ASIC2: variants seen among roughly 807,000 people sequenced by gnomAD.
ASIC2 encodes the protein acid-sensing ion channel 2.
ASIC2 carries 25 observed loss-of-function variants against 57.3 expected under a neutral mutation model. The ratio of observed to expected loss-of-function variants is 0.44; its 90% CI spans 0.32 to 0.61. The LOEUF is 0.61. Ranked by LOEUF, ASIC2 falls within the 20% of genes least tolerant of loss-of-function variation. ASIC2 has a pLI of 0.06. For missense variants in ASIC2, 641 were observed against 738.1 expected, an observed-to-expected ratio of 0.87 and a Z score of 1.52; for synonymous variants, 319 against 307.5, an observed-to-expected ratio of 1.04 and a Z score of -0.39.
chr17:33,501,280 C>T (rs1187644415), intron 1 of ASIC2, among the ~76,000 whole-genome samples: 1 of 152,214 alleles, frequency 6.6e-6, no homozygotes. Flanking sequence ...ATTGTATGCA[C>T]GTCTTGTTAG....
At chr17:33,094,320 T>G (rs2092169281) in intron 2 of ASIC2, among the ~76,000 whole-genome samples, 1 of 151,958 alleles carries the variant, frequency 6.6e-6, no homozygotes, top group Admixed American at 6.6e-5. Context: ...CAGCTCCGGG[T>G]TGGGGGCTGG....
At chr17:33,783,934 G>A (rs1211943740) in intron 1 of ASIC2, among the ~76,000 whole-genome samples, 3 of 152,146 alleles carry the variant, frequency 2.0e-5, no homozygotes, top group Admixed American at 1.3e-4. Flanking sequence ...ACGCCATACC[G>A]TCTCCAGAGA....
intron 1 of ASIC2, among the ~76,000 whole-genome samples, chr17:33,413,855 G>A (rs1034573603): frequency 6.6e-6 from 1 of 152,212 alleles, no homozygotes; most frequent in Non-Finnish European, 1.5e-5. Context: ...CACTGGCCCG[G>A]GTTATTTTAG....
intron 1 of ASIC2, among the ~76,000 whole-genome samples, chr17:33,861,431 C>T (rs2141923969): frequency 6.6e-6 from 1 of 152,244 alleles, no homozygotes; most frequent in South Asian, 2.1e-4. Context: ...CATGGCAACC[C>T]TTTAATAGAA....
At chr17:33,062,433 C>G (rs2092024780) in intron 3 of ASIC2, among the ~76,000 whole-genome samples, 1 of 152,188 alleles carries the variant, frequency 6.6e-6, no homozygotes, top group South Asian at 2.1e-4. Flanking sequence ...AGTAGTCATT[C>G]AGGAGCAGCT....
chr17:33,080,550 A>C (rs532362619), intron 3 of ASIC2, among the ~76,000 whole-genome samples: 1 of 152,180 alleles, frequency 6.6e-6, no homozygotes, highest in South Asian at 2.1e-4. Flanking sequence ...TTTTTCCTAT[A>C]TATACATACA....
chr17:33,945,154 G>C (rs1160507360), intron 1 of ASIC2, among the ~76,000 whole-genome samples: 1 of 152,176 alleles, frequency 6.6e-6, no homozygotes, highest in Non-Finnish European at 1.5e-5. Flanking sequence ...CTTTTCCAAT[G>C]TGAAGTCTTG....
intron 1 of ASIC2, among the ~76,000 whole-genome samples, chr17:33,184,597 C>T (rs1906115272): frequency 6.6e-6 from 1 of 152,178 alleles, no homozygotes; most frequent in African/African-American, 2.4e-5. Flanking sequence ...ACGTTGCCTG[C>T]TTTGACCTGG....
chr17:33,856,300 G>C (rs1913926771), intron 1 of ASIC2, among the ~76,000 whole-genome samples: 1 of 152,188 alleles, frequency 6.6e-6, no homozygotes, highest in Non-Finnish European at 1.5e-5. Flanking sequence ...AATGTAGAAA[G>C]CATTTAGAAC....
chr17:33,047,162 G>A (rs534593987), intron 3 of ASIC2, among the ~76,000 whole-genome samples: 5 of 152,300 alleles, frequency 3.3e-5, no homozygotes, highest in African/African-American at 4.8e-5. Flanking sequence ...AAACATGTGT[G>A]GCTTTTATGG....
intron 1 of ASIC2, among the ~76,000 whole-genome samples, chr17:33,562,738 G>C (rs1916113837): frequency 6.6e-6 from 1 of 152,188 alleles, no homozygotes; most frequent in Non-Finnish European, 1.5e-5. Context: ...GGGTTGATAT[G>C]TGAGGCAGCT....
chr17:33,739,485 T>C (rs1910028391), intron 1 of ASIC2, among the ~76,000 whole-genome samples: 1 of 152,178 alleles, frequency 6.6e-6, no homozygotes, highest in African/African-American at 2.4e-5. Flanking sequence ...CAATTAGCAA[T>C]GGTGAAGCAG....
chr17:33,211,902 C>T (rs533410989), intron 1 of ASIC2, among the ~76,000 whole-genome samples: 42 of 152,212 alleles, frequency 2.8e-4, no homozygotes, highest in Non-Finnish European at 4.4e-4. Context: ...CTACATTAAA[C>T]ACCTACAGTA....
intron 1 of ASIC2, among the ~76,000 whole-genome samples, chr17:33,236,182 G>A (rs1908290509): frequency 6.6e-6 from 1 of 152,026 alleles, no homozygotes; most frequent in African/African-American, 2.4e-5. Context: ...TAAGACTTCT[G>A]GGGATGTTAG....
At chr17:33,994,032 C>G (rs1316015660) in intron 1 of ASIC2, among the ~76,000 whole-genome samples, 4 of 152,102 alleles carry the variant, frequency 2.6e-5, no homozygotes, top group Non-Finnish European at 5.9e-5. Context: ...GAGCCCAGAA[C>G]AGCGCTCCAA....
chr17:33,916,010 C>T (rs1374143451), intron 1 of ASIC2, among the ~76,000 whole-genome samples: 1 of 152,162 alleles, frequency 6.6e-6, no homozygotes, highest in Non-Finnish European at 1.5e-5. Context: ...CAGGGTGTTT[C>T]TTCCTTCTTC....
chr17:33,644,957 A>T (rs1381081463), intron 1 of ASIC2, among the ~76,000 whole-genome samples: 1 of 152,226 alleles, frequency 6.6e-6, no homozygotes, highest in Admixed American at 6.5e-5. Flanking sequence ...ATGTCGGTTG[A>T]TAGATAGGTA....
At position 33,966,647 on chromosome 17, in the gene ASIC2, G is replaced by C. The variant is rs573006611; in HGVS notation, c.555+189331C>G. ...ACTTTACCCTTTCATCAACACTGTG[G>C]GTCGGATGACACTGTACCCATTTTA... On this transcript the variant is annotated intron_variant, in intron 1 of 9. Coordinates refer to the ASIC2 transcript ENST00000359872. Among the ~76,000 whole-genome samples, 137 of 152,110 alleles carry C rather than the reference G, an allele frequency of 9.0e-4. 1 individual carries two copies. The highest frequency in any genetic ancestry group is 1.4e-3 in the Non-Finnish European group (93 of 68,028).
At chr17:33,293,830 A>G (rs1275039994), upstream of ASIC2, among the ~76,000 whole-genome samples, 2 of 152,034 alleles carry the variant, frequency 1.3e-5, no homozygotes, top group African/African-American at 2.4e-5. Context: ...GTATGTGTGC[A>G]CTTAGTGAGT....
Sources: gnomAD v4.1 joint callset for allele counts (sites outside exome capture counted in the v4.1 genomes callset) on GRCh38, gnomAD v4.1.1 for gene constraint, MANE v1.5 for transcripts, NCBI Gene and HGNC (gene_info 2026-07-23, HGNC 2026-07-21) for gene names.